The following NTNG2 variants were observed in gnomAD, a reference collection of about 807,000 sequenced individuals.
NTNG2 encodes the protein netrin G2, also known as netrin-G2.
NTNG2 carries 15 observed loss-of-function variants against 47.6 expected under a neutral mutation model. The ratio of observed to expected loss-of-function variants is 0.32; its 90% CI spans 0.21 to 0.49. The LOEUF is 0.49. Among genes scored for constraint, NTNG2 ranks in the 20% least tolerant of loss-of-function variants. The pLI, the probability that NTNG2 is intolerant of heterozygous loss-of-function variation, is 0.99. For missense variants in NTNG2, 578 were observed against 764.6 expected (o/e 0.76, Z 2.88); for synonymous variants, 307 against 324.6 (o/e 0.95, Z 0.58).
chr9:132,241,359 A>G lies in NTNG2; in HGVS notation c.1357+315A>G, dbSNP rs1589575264. ...CGGGGCCTAGCGAGACGGAGCTGGC[A>G]GGTGGGCGGGGACAGGATGCTGCTG... On this transcript the variant is annotated intron_variant, in intron 7 of 7. Coordinates refer to ENST00000393229, the MANE Select transcript of NTNG2 (RefSeq NM_032536.4). 3 of 384,390 alleles carry G rather than the reference A, an allele frequency of 7.8e-6. No homozygotes were observed. The East Asian group carries it at 1.7e-4, about 21-fold the overall frequency. 23.8% of individuals were successfully genotyped at this position (384,390 alleles called of 1,614,324 possible). A position where few individuals can be genotyped will look rare whatever the true frequency, so the allele number is the denominator to read the frequency against.
intron 5 of NTNG2, among the ~76,000 whole-genome samples, chr9:132,235,919 GC>G: frequency 6.6e-6 from 1 of 152,192 alleles, no homozygotes; most frequent in East Asian, 1.9e-4. Flanking sequence ...TGGTGAGGGA[GC>G]GGCCTGGTAG....
Position 132,162,694 on chromosome 9 carries a change from C to A in NTNG2, c.-484+455C>A, listed in dbSNP as rs1306420262. On this transcript the variant is annotated intron_variant, in intron 1 of 7. Coordinates refer to ENST00000393229, the MANE Select transcript of NTNG2 (RefSeq NM_032536.4). The surrounding 1 kb of genome is among the most constrained non-coding windows in gnomAD (Gnocchi z 4.6). ...ACCCTGCTCCCGCGCCTCTCCCCCA[C>A]CCCAATTCCACCGCCACCGCTTAGA... Among the ~76,000 whole-genome samples the A allele has an allele frequency of 6.6e-6, 1 of 151,538 alleles. No homozygotes were observed. The highest frequency in any genetic ancestry group is 1.5e-5 in the Non-Finnish European group (1 of 67,852).
intron 2 of NTNG2, among the ~76,000 whole-genome samples, chr9:132,181,242 C>T (rs995488141): frequency 1.3e-5 from 2 of 151,942 alleles, no homozygotes; most frequent in African/African-American, 4.8e-5. Flanking sequence ...CACCACCATG[C>T]CTGGCTAATT....
intron 2 of NTNG2, among the ~76,000 whole-genome samples, chr9:132,177,615 T>C (rs1005182424): frequency 6.6e-6 from 1 of 152,210 alleles, no homozygotes; most frequent in Non-Finnish European, 1.5e-5. Context: ...GCATAATCTA[T>C]GCACTTACTT....
intron 1 of NTNG2, among the ~76,000 whole-genome samples, chr9:132,164,443 G>C (rs969458102): frequency 6.6e-6 from 1 of 152,206 alleles, no homozygotes; most frequent in Non-Finnish European, 1.5e-5. Context: ...GCAAGCCGCA[G>C]CCCGGCGTCC....
At chr9:132,168,125 G>C (rs776600702) in intron 2 of NTNG2, among the ~76,000 whole-genome samples, 3 of 152,346 alleles carry the variant, frequency 2.0e-5, no homozygotes, top group African/African-American at 7.2e-5. Flanking sequence ...CAGGGGTGAC[G>C]GGTAAAGGCA....
At chr9:132,194,520 T>C (rs1165126134) in intron 2 of NTNG2, among the ~76,000 whole-genome samples, 2 of 152,182 alleles carry the variant, frequency 1.3e-5, no homozygotes, top group African/African-American at 2.4e-5. Flanking sequence ...CCGCCCCATG[T>C]CCCTCTGCTG....
intron 5 of NTNG2, among the ~76,000 whole-genome samples, 162 bp downstream of exon 5, chr9:132,230,757 T>TCCCCCCTCCACCTC (rs961985996): frequency 1.4e-5 from 2 of 145,872 alleles, no homozygotes; most frequent in Admixed American, 6.8e-5. Flanking sequence ...TCTCCACCTC[T>TCCCCCCTCCACCTC]CCCCCCTCCA....
At position 132,236,171 on chromosome 9, in the gene NTNG2, G is replaced by A. The variant is rs113823130; in HGVS notation, c.1055-2933G>A. Reference sequence around the variant, plus strand: ...GAGCGGGGGCCATGAGACCTCGGAGGGTGGACTGTGGTGGGTGAAGGGAGA... The same window carrying A: ...GAGCGGGGGCCATGAGACCTCGGAGAGTGGACTGTGGTGGGTGAAGGGAGA... On this transcript the variant is annotated intron_variant, in intron 5 of 7. Transcript: ENST00000393229. The surrounding 1 kb of genome is among the most constrained non-coding windows in gnomAD (Gnocchi z 4.3). Among the ~76,000 whole-genome samples the A allele has an allele frequency of 0.057, 8,673 of 152,280 alleles. 827 individuals carry two copies. Among genetic ancestry groups the A allele is most frequent in the African/African-American group, 0.2 (8,224 of 41,528 alleles).
At chr9:132,206,662 G>A (rs1008713488) in intron 3 of NTNG2, among the ~76,000 whole-genome samples, 24 of 152,218 alleles carry the variant, frequency 1.6e-4, no homozygotes, top group South Asian at 4.1e-4. Context: ...GCAAGACTCC[G>A]TCTCAAAAAA....
In NTNG2 at chr9:132,166,981, C is replaced by G; in HGVS notation, c.150C>G (p.Val50=). 6.2e-7 allele frequency: 1 copy of G among 1,614,256 alleles called. No individual in the cohort carries two copies. Among genetic ancestry groups the G allele is most frequent in the Non-Finnish European group, 8.5e-7 (1 of 1,180,050 alleles). ...AGGTGATGCGCCTGAAGGACTACGTCAAGGTGAAGGTGGAGCCCTCAGGCA... is the reference window on the plus strand; with the variant it reads ...AGGTGATGCGCCTGAAGGACTACGTGAAGGTGAAGGTGGAGCCCTCAGGCA... ...QPKVMRLKDY[V]KVKVEPSGIT... Residue 50 remains valine, a synonymous_variant, in exon 2 of 8, where the codon GTC becomes GTG. Transcript: ENST00000393229.
At chr9:132,201,639 T>G (rs564123286) in intron 3 of NTNG2, among the ~76,000 whole-genome samples, 1 of 152,216 alleles carries the variant, frequency 6.6e-6, no homozygotes, top group Non-Finnish European at 1.5e-5. Flanking sequence ...CCTCAGAATT[T>G]CGTGACTGCC....
intron 4 of NTNG2, among the ~76,000 whole-genome samples, chr9:132,228,134 C>G (rs1840923859): frequency 1.3e-5 from 2 of 152,220 alleles, no homozygotes. Flanking sequence ...ATGCTCAGAC[C>G]AGGCCTGGGC....
rs762566 is a variant in NTNG2 at position 132,239,244 on chromosome 9, G to C, written c.1195G>C (p.Glu399Gln). 1.9e-6 allele frequency: 3 copies of C among 1,613,678 alleles called. No individual in the cohort carries two copies. The highest frequency in any genetic ancestry group is 2.5e-6 in the Non-Finnish European group (3 of 1,180,034). ...GGGCTACTACCGCAACGGCTCGGCA[G>C]AGCTGGATGATGAGAACGTCTGCAT... ...RLGYYRNGSA[E>Q]LDDENVCIEC... Residue 399 changes from glutamate (E) to glutamine (Q), a missense_variant, in exon 6 of 8, where the codon GAG (glutamate) becomes CAG (glutamine). By Grantham distance (29) the Glu-to-Gln change is conservative. Coordinates refer to ENST00000393229, the MANE Select transcript of NTNG2 (RefSeq NM_032536.4).
intron 2 of NTNG2, among the ~76,000 whole-genome samples, chr9:132,186,027 A>G (rs1837355285): frequency 6.6e-6 from 1 of 152,174 alleles, no homozygotes; most frequent in Non-Finnish European, 1.5e-5. Flanking sequence ...CCTTTTTCTA[A>G]TCAATTAGAA....
chr9:132,173,111 C>G (rs1326322671), intron 2 of NTNG2, among the ~76,000 whole-genome samples: 1 of 152,156 alleles, frequency 6.6e-6, no homozygotes, highest in Non-Finnish European at 1.5e-5. Context: ...CCACTGCAGT[C>G]CCTGTTCTGT....
chr9:132,206,123 A>T (rs6597555), intron 3 of NTNG2, among the ~76,000 whole-genome samples: 91,158 of 151,912 alleles, frequency 0.6, 30,100 homozygotes, highest in African/African-American at 0.9. Flanking sequence ...ACTGTCAGGG[A>T]TACAGAGAAA....
rs374962769 is a variant in NTNG2, at chr9:132,187,326, C to T, written c.214-10640C>T. Among the ~76,000 whole-genome samples the T allele has an allele frequency of 3.6e-4, 55 of 152,206 alleles. 1 individual carries two copies. The highest frequency in any genetic ancestry group is 1.1e-3 in the African/African-American group (44 of 41,442). On this transcript the variant is annotated intron_variant, in intron 2 of 7. Transcript: ENST00000393229. ...CAACCAGAAAACAAAACAGAAAAGCCGCCTTGGCCAGCTGCAGCTCCAGCC... is the reference window on the plus strand; with the variant it reads ...CAACCAGAAAACAAAACAGAAAAGCTGCCTTGGCCAGCTGCAGCTCCAGCC...
chr9:132,225,576 G>A (rs886476616), intron 3 of NTNG2, among the ~76,000 whole-genome samples: 1 of 152,102 alleles, frequency 6.6e-6, no homozygotes, highest in African/African-American at 2.4e-5. Flanking sequence ...AGCCTGTGTG[G>A]TTCTCTAAAA....
Sources: gnomAD v4.1 joint callset for allele counts (sites outside exome capture counted in the v4.1 genomes callset) on GRCh38, gnomAD v4.1.1 for gene constraint, Gnocchi (gnomAD v3.1) non-coding constraint, MANE v1.5 for transcripts, NCBI Gene and HGNC (gene_info 2026-07-23, HGNC 2026-07-21) for gene names.